Variants in ZSCAN25 observed in about 807,000 individuals in gnomAD.
ZSCAN25 encodes zinc finger and SCAN domain-containing protein 25.
Under a neutral mutation model 38.7 loss-of-function variants are expected in ZSCAN25, and 27 were observed. That is an observed-to-expected ratio of 0.70 (90% CI 0.51 to 0.96). ZSCAN25 has a LOEUF of 0.96. Ranked by LOEUF, ZSCAN25 falls within the 40% of genes least tolerant of loss-of-function variation. The probability of loss-of-function intolerance (pLI) is 0.00; values close to 1 mark genes in which losing one functional copy is unlikely to be tolerated. For synonymous variants in ZSCAN25, 273 were observed against 277.7 expected (o/e 0.98, Z 0.17); for missense variants, 637 against 705.9 (o/e 0.90, Z 1.11).
the ZSCAN25 span, among the ~76,000 whole-genome samples, chr7:99,719,630 TAAA>T: frequency 2.0e-5 from 3 of 151,850 alleles, no homozygotes; most frequent in Non-Finnish European, 4.4e-5. Context: ...CTCCTCAAAA[TAAA>T]AAAAGTTTTC....
intron 6 of ZSCAN25, among the ~76,000 whole-genome samples, chr7:99,622,850 A>T (rs1347357971): frequency 2.0e-5 from 3 of 152,190 alleles, no homozygotes; most frequent in Non-Finnish European, 2.9e-5. Flanking sequence ...TCTGTCGCCC[A>T]GGCTGGAGTG....
chr7:99,622,111 G>A, intron 5 of ZSCAN25: 1 of 179,678 alleles, frequency 5.6e-6, no homozygotes, highest in Non-Finnish European at 1.2e-5. Flanking sequence ...ATTTTTAGTG[G>A]AGACGGGGTT....
At chr7:99,709,681 C>T in the ZSCAN25 span, among the ~76,000 whole-genome samples, 71 of 152,030 alleles carry the variant, frequency 4.7e-4, no homozygotes, top group East Asian at 0.012. Flanking sequence ...ATTCTCTGTG[C>T]GACAAGGATT....
the ZSCAN25 span, among the ~76,000 whole-genome samples, chr7:99,731,609 C>T: frequency 6.6e-6 from 1 of 152,184 alleles, no homozygotes; most frequent in Non-Finnish European, 1.5e-5. Context: ...CACTCAGTCA[C>T]AGGGGGTCAC....
the ZSCAN25 span, among the ~76,000 whole-genome samples, chr7:99,736,744 A>G: frequency 6.6e-6 from 1 of 152,196 alleles, no homozygotes; most frequent in African/African-American, 2.4e-5. Context: ...ACCTTTTCCC[A>G]TCCCTCTGGC....
the ZSCAN25 span, chr7:99,648,134 ACT>A: frequency 8.9e-6 from 12 of 1,353,826 alleles, no homozygotes; most frequent in Non-Finnish European, 1.1e-5. Context: ...AATGCACAAC[ACT>A]CTACACAGAC....
chr7:99,720,620 G>T, the ZSCAN25 span: 2 of 527,840 alleles, frequency 3.8e-6, no homozygotes, highest in African/African-American at 3.8e-5. Context: ...GAAGGGTAAT[G>T]TGGGCCAAAC....
chr7:99,715,942 A>C, the ZSCAN25 span: 340 of 1,612,646 alleles, frequency 2.1e-4, 1 homozygote, highest in East Asian at 6.9e-3. Context: ...TAAAATCAGC[A>C]CCTCTTTACC....
chr7:99,731,582 T>C, the ZSCAN25 span, among the ~76,000 whole-genome samples: 1 of 152,170 alleles, frequency 6.6e-6, no homozygotes, highest in Admixed American at 6.5e-5. Flanking sequence ...GATGATGAGA[T>C]TTTGCATCAC....
chr7:99,666,684 G>C, the ZSCAN25 span: 1 of 1,614,080 alleles, frequency 6.2e-7, no homozygotes, highest in East Asian at 2.2e-5. Flanking sequence ...CAATGATGGG[G>C]AACATCTAAG....
chr7:99,707,672 A>T, the ZSCAN25 span: 2 of 1,399,680 alleles, frequency 1.4e-6, no homozygotes, highest in Admixed American at 2.1e-5. Context: ...CTTAAAGATC[A>T]TAGATGGGTC....
chr7:99,715,553 G>A, the ZSCAN25 span: 1 of 844,582 alleles, frequency 1.2e-6, no homozygotes, highest in South Asian at 1.8e-5. Context: ...TCTGGCAGGG[G>A]GTTGATAGCT....
chr7:99,649,359 C>T, the ZSCAN25 span, among the ~76,000 whole-genome samples: 5 of 152,320 alleles, frequency 3.3e-5, no homozygotes, highest in South Asian at 1.0e-3. Context: ...GGAAATAAGA[C>T]TTATAGGCTA....
chr7:99,639,589 G>A, the ZSCAN25 span, among the ~76,000 whole-genome samples: 2 of 152,166 alleles, frequency 1.3e-5, no homozygotes, highest in Non-Finnish European at 2.9e-5. Flanking sequence ...GCCACTTAAG[G>A]GCATTGCAGC....
chr7:99,683,765 G>C, the ZSCAN25 span, among the ~76,000 whole-genome samples: 1 of 151,980 alleles, frequency 6.6e-6, no homozygotes, highest in African/African-American at 2.4e-5. Flanking sequence ...GTTTCTCCAC[G>C]TGAACACCTA....
the ZSCAN25 span, chr7:99,708,033 A>T: frequency 6.2e-7 from 1 of 1,612,104 alleles, no homozygotes; most frequent in East Asian, 2.2e-5. Context: ...TAAGAGTTAC[A>T]TGTTAGGGTT....
At chr7:99,735,732 CA>C in the ZSCAN25 span, among the ~76,000 whole-genome samples, 1 of 152,186 alleles carries the variant, frequency 6.6e-6, no homozygotes, top group Non-Finnish European at 1.5e-5. Flanking sequence ...TCCTCTTTAC[CA>C]CCATTGTGTG....
At chr7:99,732,265 A>G in the ZSCAN25 span, among the ~76,000 whole-genome samples, 1 of 151,712 alleles carries the variant, frequency 6.6e-6, no homozygotes, top group Non-Finnish European at 1.5e-5. Flanking sequence ...CTTCTTTTTC[A>G]CCTTCTGCCA....
the ZSCAN25 span, among the ~76,000 whole-genome samples, chr7:99,724,449 G>C: frequency 6.6e-6 from 1 of 152,062 alleles, no homozygotes. Flanking sequence ...CTCCCAGTGT[G>C]ACTCATCCCA....
Sources: allele counts gnomAD v4.1 joint callset (sites outside exome capture counted in the v4.1 genomes callset), GRCh38; gene constraint gnomAD v4.1.1; transcripts MANE v1.5; gene names NCBI Gene and HGNC (gene_info 2026-07-23, HGNC 2026-07-21).